CFAP70: variants seen among roughly 807,000 people sequenced by gnomAD.
CFAP70 encodes cilia and flagella associated protein 70, also known as cilia- and flagella-associated protein 70.
Under a neutral mutation model 137.6 loss-of-function variants are expected in CFAP70, and 81 were observed. The observed-to-expected ratio is 0.59, with a 90% CI of 0.49 to 0.71. The LOEUF is 0.71. Ranked by LOEUF, CFAP70 falls within the 30% of genes least tolerant of loss-of-function variation. The pLI is 0.00. For missense variants in CFAP70, 976 were observed against 1,226.7 expected, an observed-to-expected ratio of 0.80 and a Z score of 3.05; for synonymous variants, 382 against 423.6, an observed-to-expected ratio of 0.90 and a Z score of 1.20.
chr10:73,268,203 A>G (rs2045942928), intron 25 of CFAP70, among the ~76,000 whole-genome samples: 1 of 152,218 alleles, frequency 6.6e-6, no homozygotes, highest in Non-Finnish European at 1.5e-5. Flanking sequence ...TACCTAGCAC[A>G]AAAGATTTCA....
At chr10:73,282,826 CTTTTTTT>C (rs1203127459) in intron 19 of CFAP70, among the ~76,000 whole-genome samples, 2 of 90,924 alleles carry the variant, frequency 2.2e-5, no homozygotes, top group African/African-American at 4.3e-5. Flanking sequence ...TTCCTGTTAT[CTTTTTTT>C]TTTTTTTTTT....
rs762339724 is a variant in CFAP70 at position 73,277,393 on chromosome 10, T to C, written c.2399-32A>G. ...ATATTACATTAAAAGGATTGAAGATTGGATATAACAGAAAAAGTGTCAGAA... is the reference window on the plus strand; with the variant it reads ...ATATTACATTAAAAGGATTGAAGATCGGATATAACAGAAAAAGTGTCAGAA... On this transcript the variant is annotated intron_variant, in intron 20 of 26. Coordinates refer to ENST00000310715, the Ensembl canonical transcript of CFAP70. The C allele has an allele frequency of 3.1e-6, 5 of 1,605,364 alleles. No homozygotes were observed. The South Asian group carries it at 4.4e-5, about 14-fold the overall frequency.
chr10:73,309,428 G>A (rs2049703422), intron 12 of CFAP70, among the ~76,000 whole-genome samples: 1 of 152,110 alleles, frequency 6.6e-6, no homozygotes, highest in Admixed American at 6.6e-5. Flanking sequence ...ACACCAAGGT[G>A]TTAAAAGCAG....
chr10:73,261,110 C>T (rs1158430321), intron 25 of CFAP70, among the ~76,000 whole-genome samples: 1 of 151,472 alleles, frequency 6.6e-6, no homozygotes, highest in Non-Finnish European at 1.5e-5. Context: ...TTTGTTAATA[C>T]TTGGCATTGT....
intron 25 of CFAP70, among the ~76,000 whole-genome samples, chr10:73,259,356 T>G (rs1301168922): frequency 6.6e-6 from 1 of 152,246 alleles, no homozygotes; most frequent in Non-Finnish European, 1.5e-5. Flanking sequence ...GTTGCATTCT[T>G]ATGCTTACTA....
At chr10:73,300,144 G>T (rs187998652) in intron 12 of CFAP70, among the ~76,000 whole-genome samples, 1 of 152,248 alleles carries the variant, frequency 6.6e-6, no homozygotes, top group East Asian at 1.9e-4. Flanking sequence ...TTATAGGGCT[G>T]CATTAAATTA....
chr10:73,314,461 G>T (rs2050173157), intron 9 of CFAP70, among the ~76,000 whole-genome samples: 1 of 152,226 alleles, frequency 6.6e-6, no homozygotes, highest in South Asian at 2.1e-4. Flanking sequence ...CATCTCTGGG[G>T]TATGTTCTAT....
At chr10:73,354,382 CATT>C (rs1403940797) in intron 2 of CFAP70, among the ~76,000 whole-genome samples, 1 of 152,006 alleles carries the variant, frequency 6.6e-6, no homozygotes, top group Non-Finnish European at 1.5e-5. Flanking sequence ...TAGTACATCA[CATT>C]GTTGTTGTTT....
At chr10:73,293,233 G>C in intron 16 of CFAP70, 30 bp downstream of exon 17, 1 of 1,579,658 alleles carries the variant, frequency 6.3e-7, no homozygotes, top group Non-Finnish European at 8.6e-7. Flanking sequence ...ACAAATAATA[G>C]TAACAATCAC....
At chr10:73,311,795 TAACTTA>T (rs2049941213) in intron 11 of CFAP70, 33 bp downstream of exon 12, 6 of 1,474,178 alleles carry the variant, frequency 4.1e-6, no homozygotes, top group Non-Finnish European at 5.7e-6. Flanking sequence ...AAGGTCTGGT[TAACTTA>T]AACTTAATTT....
chr10:73,359,149 A>T (rs1040956620), upstream of CFAP70, among the ~76,000 whole-genome samples: 1 of 152,222 alleles, frequency 6.6e-6, no homozygotes, highest in African/African-American at 2.4e-5. Flanking sequence ...TGTTGATGAG[A>T]GTGCAAAATG....
chr10:73,319,917 G>C (rs2132176664), intron 9 of CFAP70, among the ~76,000 whole-genome samples: 1 of 152,170 alleles, frequency 6.6e-6, no homozygotes, highest in South Asian at 2.1e-4. Context: ...CTTCTTTTGT[G>C]AACTGCTATT....
rs529338733 is a variant in CFAP70, at chr10:73,275,372, C to T, written c.2673+74G>A. 4.0e-5 allele frequency: 59 copies of T among 1,473,090 alleles called. No individual in the cohort carries two copies. In the African/African-American group the frequency reaches 6.1e-4, roughly 15 times the overall value. 91.3% of individuals were successfully genotyped at this position (1,473,090 alleles called of 1,614,324 possible). On this transcript the variant is annotated intron_variant, in intron 22 of 26. Transcript: ENST00000310715. This position sits in a 1 kb window ranked among gnomAD's most constrained non-coding sequence, Gnocchi z 4.0. The stretch of plus-strand genomic sequence containing the variant: ...CACCCTTCTGTTCACCAGAAATCTA[C>T]GTGTGATATGGCATCACCACCTTTA...
At position 73,297,193 on chromosome 10, in the gene CFAP70, C is replaced by T. The variant is rs1161492044; in HGVS notation, c.1513-20G>A. 5 of 1,607,110 alleles carry T rather than the reference C, an allele frequency of 3.1e-6. No individual in the cohort carries two copies. Among genetic ancestry groups the T allele is most frequent in the East Asian group, 2.2e-5 (1 of 44,852 alleles). On this transcript the variant is annotated intron_variant, in intron 14 of 26. Coordinates refer to ENST00000310715, the Ensembl canonical transcript of CFAP70. ...AGCATGCTGCAAGACACACAGATCA[C>T]CCATCTGATAATACAGTCCAGCACC...
At chr10:73,330,416 C>T (rs2051953917) in intron 8 of CFAP70, among the ~76,000 whole-genome samples, 2 of 147,096 alleles carry the variant, frequency 1.4e-5, no homozygotes. Flanking sequence ...TGCCACTGTA[C>T]TCCAGCCTAG....
chr10:73,332,219 G>A (rs1028303175), intron 7 of CFAP70, among the ~76,000 whole-genome samples: 2 of 152,074 alleles, frequency 1.3e-5, no homozygotes, highest in African/African-American at 4.8e-5. Flanking sequence ...GGACTAGCTG[G>A]GAGTGAAAAA....
At chr10:73,341,438 A>G (rs766502842) in exon 6 of CFAP70, 12 of 1,613,912 alleles carry the variant, frequency 7.4e-6, no homozygotes, top group African/African-American at 1.3e-5. Flanking sequence ...CTTCATAGGG[A>G]CCACCAACAA....
intron 23 of CFAP70, among the ~76,000 whole-genome samples, chr10:73,274,199 A>T (rs2046525792): frequency 6.6e-6 from 1 of 152,210 alleles, no homozygotes; most frequent in African/African-American, 2.4e-5. Context: ...TGAGTTCTTA[A>T]GAACTGTTTA....
chr10:73,349,415 C>A (rs2054008190), intron 3 of CFAP70, among the ~76,000 whole-genome samples: 2 of 151,968 alleles, frequency 1.3e-5, no homozygotes. Flanking sequence ...TGGTGGCGGG[C>A]ACCTGTAGTC....
Sources: allele counts gnomAD v4.1 joint callset (sites outside exome capture counted in the v4.1 genomes callset), GRCh38; gene constraint gnomAD v4.1.1; non-coding constraint Gnocchi (gnomAD v3.1); transcripts MANE v1.5; gene names NCBI Gene and HGNC (gene_info 2026-07-23, HGNC 2026-07-21).